The following GPC6 variants were observed in gnomAD, a reference collection of about 807,000 sequenced individuals.
GPC6 encodes glypican 6, also known as glypican-6.
Under a neutral mutation model 55.2 loss-of-function variants are expected in GPC6, and 14 were observed. The observed-to-expected ratio is 0.25, with a 90% CI of 0.17 to 0.40. The LOEUF is 0.40. Ranked by LOEUF, GPC6 falls within the 10% of genes least tolerant of loss-of-function variation. GPC6 has a pLI of 1.00. For missense variants in GPC6, 641 were observed against 708.5 expected (o/e 0.90, Z 1.08); for synonymous variants, 278 against 259.6 (o/e 1.07, Z -0.68).
intron 1 of GPC6, among the ~76,000 whole-genome samples, chr13:93,406,496 T>A (rs1469093927): frequency 6.6e-6 from 1 of 152,204 alleles, no homozygotes; most frequent in African/African-American, 2.4e-5. Context: ...TAGGTTATAT[T>A]AGAAAAGTAA....
Position 93,227,493 on chromosome 13 carries a change from T to C in GPC6, c.37T>C (p.Leu13=), listed in dbSNP as rs1875834207. ...SWIGAVILPL[L]GLLLSLPAGA... is the part of the protein sequence containing the mutation. The stretch of plus-strand genomic sequence containing the variant: ...GATCGGGGCTGTGATTCTTCCCCTC[T>C]TGGGGCTGCTGCTCTCCCTCCCCGC... Residue 13 remains leucine, a synonymous_variant, in exon 1 of 9, where the codon TTG becomes CTG. Transcript: ENST00000377047. This position sits in a 1 kb window ranked among gnomAD's most constrained non-coding sequence, Gnocchi z 4.3. 2.5e-6 allele frequency: 4 copies of C among 1,613,928 alleles called. No individual in the cohort carries two copies. The highest frequency in any genetic ancestry group is 3.4e-6 in the Non-Finnish European group (4 of 1,179,844).
intron 3 of GPC6, among the ~76,000 whole-genome samples, chr13:93,874,700 C>T (rs1334126190): frequency 6.6e-6 from 1 of 151,338 alleles, no homozygotes; most frequent in Non-Finnish European, 1.5e-5. Flanking sequence ...CATGGACACA[C>T]TAAACTTGCT....
chr13:94,220,482 C>A (rs1265823263), intron 4 of GPC6, among the ~76,000 whole-genome samples: 4 of 152,006 alleles, frequency 2.6e-5, no homozygotes, highest in Admixed American at 2.0e-4. Flanking sequence ...GTATAGATAA[C>A]AAAGGAGAGA....
chr13:93,427,972 G>A (rs1566351635), intron 1 of GPC6, among the ~76,000 whole-genome samples: 1 of 152,086 alleles, frequency 6.6e-6, no homozygotes, highest in African/African-American at 2.4e-5. Context: ...ATTTTCTCTT[G>A]TGAAATAATT....
chr13:93,838,504 A>G (rs1421653497), intron 3 of GPC6, among the ~76,000 whole-genome samples: 1 of 152,230 alleles, frequency 6.6e-6, no homozygotes, highest in Non-Finnish European at 1.5e-5. Context: ...TTTGAACCAT[A>G]TCATTTGGGC....
chr13:94,061,963 T>C lies in GPC6; in HGVS notation c.877+34069T>C, dbSNP rs531921977. ...CTGGATGATGCTGGGTACTGGCAAA[T>C]CTCGATTCTCTTACTCCAGTCCTAA... On this transcript the variant is annotated intron_variant, in intron 4 of 8. Coordinates refer to ENST00000377047, the MANE Select transcript of GPC6 (RefSeq NM_005708.5). 3.5e-4 allele frequency among the ~76,000 whole-genome samples: 54 copies of C among 152,206 alleles called. No homozygotes were observed. In the South Asian group the frequency reaches 0.011, roughly 30 times the overall value.
At chr13:93,406,494 A>G (rs905076052) in intron 1 of GPC6, among the ~76,000 whole-genome samples, 2 of 152,188 alleles carry the variant, frequency 1.3e-5, no homozygotes, top group Non-Finnish European at 2.9e-5. Flanking sequence ...ATTAGGTTAT[A>G]TTAGAAAAGT....
In GPC6 at chr13:94,046,649, T is replaced by C. The variant is rs577700777; in HGVS notation, c.877+18755T>C. Among the ~76,000 whole-genome samples, 25 of 152,268 alleles carry C rather than the reference T, an allele frequency of 1.6e-4. No individual in the cohort carries two copies. In the East Asian group the frequency reaches 3.3e-3, roughly 20 times the overall value. ...ATTTCTTATAACATGAAATTATTAT[T>C]ATACCTTATCCCTGGAGTCATCTCA... On this transcript the variant is annotated intron_variant, in intron 4 of 8. Coordinates refer to ENST00000377047, the MANE Select transcript of GPC6 (RefSeq NM_005708.5).
At chr13:93,472,338 A>G (rs139639474) in intron 1 of GPC6, among the ~76,000 whole-genome samples, 21 of 152,184 alleles carry the variant, frequency 1.4e-4, no homozygotes, top group Admixed American at 4.6e-4. Flanking sequence ...AGCTCATGCT[A>G]TTGGTATGGA....
At chr13:93,665,295 G>A (rs1415150301) in intron 2 of GPC6, among the ~76,000 whole-genome samples, 2 of 152,190 alleles carry the variant, frequency 1.3e-5, no homozygotes, top group African/African-American at 4.8e-5. Flanking sequence ...GAACTGATTT[G>A]AAATGAAGTT....
At chr13:93,560,583 C>A (rs1040119642) in intron 2 of GPC6, among the ~76,000 whole-genome samples, 8 of 151,012 alleles carry the variant, frequency 5.3e-5, no homozygotes, top group Non-Finnish European at 8.9e-5. Context: ...TGGCCGGGAG[C>A]GGTGGCTCAT....
intron 4 of GPC6, among the ~76,000 whole-genome samples, chr13:94,246,438 C>T (rs1232576991): frequency 6.6e-6 from 1 of 152,068 alleles, no homozygotes; most frequent in African/African-American, 2.4e-5. Flanking sequence ...TTGCCAAAGC[C>T]AGTGTCAAGG....
chr13:93,830,545 G>A lies in GPC6; in HGVS notation c.711G>A (p.Lys237=), dbSNP rs766464970. ...GAGAAGTTGCAAACCGAGTTTCCAA[G>A]GTAATTGAAAACGTGCTTTCTTTCT... ...VGREVANRVS[K]VSPTPGCIRA... Residue 237 remains lysine, a splice_region_variant and synonymous_variant, in exon 3 of 9, where the codon AAG becomes AAA. Transcript: ENST00000377047. The A allele has an allele frequency of 6.4e-7, 1 of 1,574,410 alleles. No individual in the cohort carries two copies. The highest frequency in any genetic ancestry group is 8.6e-7 in the Non-Finnish European group (1 of 1,157,832).
intron 3 of GPC6, among the ~76,000 whole-genome samples, chr13:93,989,934 A>G (rs926138892): frequency 3.4e-5 from 5 of 148,248 alleles, no homozygotes; most frequent in African/African-American, 7.4e-5. Context: ...ATATATATGT[A>G]TATATATATA....
chr13:93,988,850 T>C (rs1047640534), intron 3 of GPC6, among the ~76,000 whole-genome samples: 2 of 152,122 alleles, frequency 1.3e-5, no homozygotes, highest in African/African-American at 2.4e-5. Flanking sequence ...TAGGGAAACA[T>C]ATAAAGAATG....
chr13:93,945,670 C>CTGG (rs1878974106), intron 3 of GPC6, among the ~76,000 whole-genome samples: 1 of 152,214 alleles, frequency 6.6e-6, no homozygotes, highest in South Asian at 2.1e-4. Context: ...GTTTGACTTC[C>CTGG]TGGACTGCAT....
At chr13:93,359,822 G>C (rs538880316) in intron 1 of GPC6, among the ~76,000 whole-genome samples, 40 of 152,186 alleles carry the variant, frequency 2.6e-4, no homozygotes, top group African/African-American at 8.2e-4. Flanking sequence ...ATGTCATTCT[G>C]TTCATATAAT....
intron 2 of GPC6, among the ~76,000 whole-genome samples, chr13:93,665,890 G>T (rs1304619080): frequency 6.6e-6 from 1 of 152,118 alleles, no homozygotes; most frequent in East Asian, 1.9e-4. Context: ...CACACGATGT[G>T]GCCGAAGATC....
intron 5 of GPC6, among the ~76,000 whole-genome samples, chr13:94,298,112 T>C (rs1875441891): frequency 6.6e-6 from 1 of 152,148 alleles, no homozygotes; most frequent in African/African-American, 2.4e-5. Flanking sequence ...AAAGTCGTCA[T>C]CAAGATGTTT....
Sources: gnomAD v4.1 joint callset for allele counts (sites outside exome capture counted in the v4.1 genomes callset) on GRCh38, gnomAD v4.1.1 for gene constraint, Gnocchi (gnomAD v3.1) non-coding constraint, MANE v1.5 for transcripts, NCBI Gene and HGNC (gene_info 2026-07-23, HGNC 2026-07-21) for gene names.